Variants in DNM3 observed in about 807,000 individuals in gnomAD.
DNM3 encodes dynamin-3.
Under a neutral mutation model 101.6 loss-of-function variants are expected in DNM3, and 47 were observed. The ratio of observed to expected loss-of-function variants is 0.46; its 90% CI spans 0.37 to 0.59. DNM3 has a LOEUF of 0.59. Ranked by LOEUF, DNM3 falls within the 20% of genes least tolerant of loss-of-function variation. The pLI, the probability that DNM3 is intolerant of heterozygous loss-of-function variation, is 0.00. For missense variants in DNM3, 849 were observed against 1,085.7 expected (o/e 0.78, Z 3.06); for synonymous variants, 385 against 387.9 (o/e 0.99, Z 0.09).
intron 4 of DNM3, among the ~76,000 whole-genome samples, chr1:171,991,744 T>C (rs2045644502): frequency 6.6e-6 from 1 of 152,220 alleles, no homozygotes; most frequent in Non-Finnish European, 1.5e-5. Context: ...GCTGAAGCTA[T>C]CCAGGAGCTG....
At chr1:172,205,046 G>A (rs1368440079) in intron 14 of DNM3, among the ~76,000 whole-genome samples, 6 of 152,142 alleles carry the variant, frequency 3.9e-5, no homozygotes, top group African/African-American at 1.4e-4. Flanking sequence ...ACATTGTTCT[G>A]TGAAACTCTG....
intron 4 of DNM3, among the ~76,000 whole-genome samples, chr1:171,997,648 G>A (rs16843679): frequency 0.3 from 45,342 of 152,024 alleles, 9,754 homozygotes; most frequent in African/African-American, 0.62. Flanking sequence ...CCCTTTGTTA[G>A]TTTATTAATT....
At chr1:172,333,162 T>A (rs2066262401) in intron 17 of DNM3, among the ~76,000 whole-genome samples, 1 of 152,202 alleles carries the variant, frequency 6.6e-6, no homozygotes, top group Non-Finnish European at 1.5e-5. Context: ...AAAATGGGTT[T>A]GAAGAATTAG....
At chr1:172,336,524 T>C (rs929597463) in intron 17 of DNM3, among the ~76,000 whole-genome samples, 3 of 149,698 alleles carry the variant, frequency 2.0e-5, no homozygotes, top group Non-Finnish European at 3.0e-5. Flanking sequence ...ATAATTTATA[T>C]ATTACATTTT....
intron 14 of DNM3, among the ~76,000 whole-genome samples, chr1:172,145,940 A>T (rs12139213): frequency 0.18 from 26,856 of 152,046 alleles, 2,804 homozygotes; most frequent in East Asian, 0.44. Context: ...GTTTTCAATT[A>T]TATATACTCT....
chr1:171,855,386 A>G (rs578074800), intron 1 of DNM3, among the ~76,000 whole-genome samples: 1 of 152,282 alleles, frequency 6.6e-6, no homozygotes. Context: ...TTCTCTGGGT[A>G]TATACCCAGT....
chr1:172,240,974 G>T (rs1484253441), intron 14 of DNM3, among the ~76,000 whole-genome samples: 1 of 145,198 alleles, frequency 6.9e-6, no homozygotes, highest in African/African-American at 2.5e-5. Context: ...AACTGAAAAA[G>T]TATAAAACAC....
rs140181015 is a variant in DNM3 at position 172,185,043 on chromosome 1, T to TA, written c.1659+53756dup. Among the ~76,000 whole-genome samples, 243 of 152,200 alleles carry TA rather than the reference T, an allele frequency of 1.6e-3. 2 individuals are homozygous for TA. The highest frequency in any genetic ancestry group is 5.7e-3 in the African/African-American group (236 of 41,560). Reference sequence around the variant, plus strand: ...GAAAAAAAAAGGGAGGCTGGAAACTTAGTCAACACATAGGGGCAGCTCCTC... The same window carrying TA: ...GAAAAAAAAAGGGAGGCTGGAAACTTAAGTCAACACATAGGGGCAGCTCCTC... On this transcript the variant is annotated intron_variant, in intron 14 of 20. Transcript: ENST00000627582.
At chr1:172,131,036 C>A in intron 13 of DNM3, 139 bp from the exon 14 acceptor site, 3 of 709,482 alleles carry the variant, frequency 4.2e-6, no homozygotes, top group Non-Finnish European at 7.2e-6. Flanking sequence ...TTGAATAACT[C>A]AATGGAAGTT....
At chr1:172,205,532 T>A (rs2060293910) in intron 14 of DNM3, among the ~76,000 whole-genome samples, 1 of 152,138 alleles carries the variant, frequency 6.6e-6, no homozygotes. Flanking sequence ...ATCCCTTATA[T>A]GTTATCCTAA....
chr1:172,213,827 CAA>C (rs879375846), intron 14 of DNM3, among the ~76,000 whole-genome samples: 11 of 121,462 alleles, frequency 9.1e-5, no homozygotes, highest in Non-Finnish European at 5.3e-5. Flanking sequence ...GACTCTGTCT[CAA>C]AAAAAAAAAA....
intron 14 of DNM3, among the ~76,000 whole-genome samples, chr1:172,141,490 A>T (rs1448473372): frequency 1.3e-5 from 2 of 152,092 alleles, no homozygotes; most frequent in Non-Finnish European, 1.5e-5. Flanking sequence ...CTTACAGAGT[A>T]AGTGAAAGCT....
intron 15 of DNM3, among the ~76,000 whole-genome samples, chr1:172,260,829 C>G (rs2062614257): frequency 6.6e-6 from 1 of 152,062 alleles, no homozygotes; most frequent in Admixed American, 6.6e-5. Context: ...GCCATTAACA[C>G]AAGATATGCA....
intron 14 of DNM3, chr1:172,139,137 A>T (rs866444552): frequency 3.2e-6 from 1 of 313,196 alleles, no homozygotes; most frequent in Non-Finnish European, 6.2e-6. Flanking sequence ...GAAAACTCAC[A>T]TTAAAATTTT....
chr1:172,307,336 A>G (rs932960192), intron 15 of DNM3, among the ~76,000 whole-genome samples: 1 of 152,378 alleles, frequency 6.6e-6, no homozygotes, highest in Non-Finnish European at 1.5e-5. Context: ...ATAACATCTT[A>G]CACCAGTTAG....
At position 172,308,762 on chromosome 1, in the gene DNM3, G is replaced by T; in HGVS notation, c.1804G>T (p.Ala602Ser). 1.9e-6 allele frequency: 3 copies of T among 1,607,376 alleles called. No individual in the cohort carries two copies. The highest frequency in any genetic ancestry group is 2.2e-5 in the East Asian group (1 of 44,550). The change falls in exon 16 of 21, where the codon GCA becomes TCA. Residue 602 changes from alanine (A) to serine (S), a missense_variant. By Grantham distance (99) the Ala-to-Ser change is moderately conservative (BLOSUM62 1). Transcript: ENST00000627582. ...CAAAGACTATCGCTTCCTTGAGCTG[G>T]CATGTGATTCCCAGGAGGATGTCGA... Reference protein sequence around the residue: ...VYKDYRFLELACDSQEDVDSW... With the variant: ...VYKDYRFLELSCDSQEDVDSW...
At chr1:171,843,894 T>C (rs899496462) in intron 1 of DNM3, among the ~76,000 whole-genome samples, 3 of 152,198 alleles carry the variant, frequency 2.0e-5, no homozygotes, top group African/African-American at 7.2e-5. Context: ...CATTAGTAAT[T>C]TGTTGTACTT....
chr1:172,355,267 T>C (rs978034205), intron 17 of DNM3, among the ~76,000 whole-genome samples: 22 of 151,998 alleles, frequency 1.4e-4, no homozygotes, highest in Admixed American at 1.2e-3. Flanking sequence ...AAAGCCATCA[T>C]GAGTAAGTCA....
intron 2 of DNM3, among the ~76,000 whole-genome samples, chr1:171,950,937 C>G (rs1558315427): frequency 4.6e-5 from 7 of 151,938 alleles, no homozygotes; most frequent in Non-Finnish European, 1.0e-4. Flanking sequence ...TCTTCCTCTT[C>G]CTCCTCCTCC....
Sources: allele counts gnomAD v4.1 joint callset (sites outside exome capture counted in the v4.1 genomes callset), GRCh38; gene constraint gnomAD v4.1.1; transcripts MANE v1.5; gene names NCBI Gene and HGNC (gene_info 2026-07-23, HGNC 2026-07-21).